FNDC3B: variants seen among roughly 807,000 people sequenced by gnomAD.
The protein encoded by FNDC3B is fibronectin type III domain-containing protein 3B.
Under a neutral mutation model 151.5 loss-of-function variants are expected in FNDC3B, and 12 were observed. The ratio of observed to expected loss-of-function variants is 0.08; its 90% CI spans 0.05 to 0.13. The LOEUF is 0.13. Ranked by LOEUF, FNDC3B falls within the 10% of genes least tolerant of loss-of-function variation. FNDC3B has a pLI of 1.00. For synonymous variants in FNDC3B, 528 were observed against 549.0 expected (o/e 0.96, Z 0.54); for missense variants, 1,214 against 1,505.3 (o/e 0.81, Z 3.20).
intron 6 of FNDC3B, among the ~76,000 whole-genome samples, chr3:172,280,060 A>G (rs1297667452): frequency 6.6e-6 from 1 of 152,124 alleles, no homozygotes; most frequent in Non-Finnish European, 1.5e-5. Flanking sequence ...GACTACAGGC[A>G]TGTGCCACCA....
chr3:172,192,340 T>G (rs1724563502), intron 3 of FNDC3B, among the ~76,000 whole-genome samples: 1 of 151,264 alleles, frequency 6.6e-6, no homozygotes, highest in South Asian at 2.1e-4. Context: ...CCCTGGCTAA[T>G]TATTATTATT....
intron 3 of FNDC3B, among the ~76,000 whole-genome samples, chr3:172,217,177 A>G (rs1337332548): frequency 6.6e-6 from 1 of 152,218 alleles, no homozygotes; most frequent in Non-Finnish European, 1.5e-5. Context: ...GGGTTCAACA[A>G]AAGTTTGTTG....
intron 3 of FNDC3B, among the ~76,000 whole-genome samples, chr3:172,209,680 C>T (rs567219275): frequency 1.6e-4 from 25 of 152,352 alleles, no homozygotes; most frequent in African/African-American, 5.3e-4. Context: ...CTGGCAGCCT[C>T]GACCATAGGC....
At chr3:172,309,999 G>A (rs1731386146) in intron 10 of FNDC3B, among the ~76,000 whole-genome samples, 1 of 151,988 alleles carries the variant, frequency 6.6e-6, no homozygotes, top group Admixed American at 6.6e-5. Context: ...GGGAAGAGTC[G>A]GCCCTGGCAT....
At chr3:172,188,165 T>C (rs1377441619) in intron 3 of FNDC3B, among the ~76,000 whole-genome samples, 1 of 150,964 alleles carries the variant, frequency 6.6e-6, no homozygotes, top group African/African-American at 2.4e-5. Context: ...CCGGCTAATT[T>C]TGTATTTTTA....
chr3:172,179,961 C>G (rs1040548247), intron 3 of FNDC3B, among the ~76,000 whole-genome samples: 16 of 151,546 alleles, frequency 1.1e-4, no homozygotes, highest in African/African-American at 3.6e-4. Context: ...GCTGAATGAC[C>G]TCTTTGGGGT....
At chr3:172,095,603 A>G (rs1156912247) in intron 1 of FNDC3B, among the ~76,000 whole-genome samples, 5 of 152,236 alleles carry the variant, frequency 3.3e-5, no homozygotes, top group Non-Finnish European at 7.3e-5. Context: ...ATTATTTGGC[A>G]CAGATGTGAT....
chr3:172,060,300 G>T (rs1407371262), intron 1 of FNDC3B, among the ~76,000 whole-genome samples: 1 of 152,138 alleles, frequency 6.6e-6, no homozygotes, highest in African/African-American at 2.4e-5. Context: ...TGTTGCTAGG[G>T]TGGGGGGTGG....
Position 172,397,241 on chromosome 3 carries a change from G to A in FNDC3B, c.3381G>A (p.Ala1127=), listed in dbSNP as rs770975738. ...TNTDYRFRVC[A]CRRCLDTSQE... The stretch of plus-strand genomic sequence containing the variant: ...CAGACTACAGGTTCCGCGTATGTGC[G>A]TGTCGTCGCTGTTTAGACACCTCTC... The change falls in exon 26 of 26, where the codon GCG becomes GCA. Residue 1127 remains alanine (A), a synonymous_variant. Transcript: ENST00000415807. 1.8e-5 allele frequency: 29 copies of A among 1,614,070 alleles called. No individual in the cohort carries two copies. Among genetic ancestry groups the A allele is most frequent in the Admixed American group, 1.7e-4 (10 of 60,004 alleles).
At chr3:172,305,741 C>A (rs1380199516) in intron 9 of FNDC3B, among the ~76,000 whole-genome samples, 1 of 152,126 alleles carries the variant, frequency 6.6e-6, no homozygotes, top group African/African-American at 2.4e-5. Flanking sequence ...CCATGAGTCA[C>A]CTGTTGGAGA....
At chr3:172,086,259 C>G (rs1051167976) in intron 1 of FNDC3B, among the ~76,000 whole-genome samples, 9 of 151,750 alleles carry the variant, frequency 5.9e-5, no homozygotes, top group African/African-American at 2.2e-4. Context: ...ACTTGGGAGG[C>G]TAAGGTAGGA....
At position 172,125,406 on chromosome 3, in the gene FNDC3B, C is replaced by T. The variant is rs148090021; in HGVS notation, c.112-8065C>T. On this transcript the variant is annotated intron_variant, in intron 2 of 25. Coordinates refer to ENST00000415807, the MANE Select transcript of FNDC3B (RefSeq NM_022763.4). ...TGAGATTGGCAGTAGGAGGGCTGCT[C>T]CCTCCCGGGTCAGCAGTTGCTGAGA... Among the ~76,000 whole-genome samples the T allele has an allele frequency of 7.7e-3, 1,168 of 152,198 alleles. 13 individuals are homozygous for T. Among genetic ancestry groups the T allele is most frequent in the African/African-American group, 0.026 (1,083 of 41,514 alleles).
In FNDC3B at chr3:172,226,857, C is replaced by T; in HGVS notation, c.188-14C>T. The T allele has an allele frequency of 6.4e-7, 1 of 1,554,784 alleles. No individual in the cohort carries two copies. Among genetic ancestry groups the T allele is most frequent in the Non-Finnish European group, 8.9e-7 (1 of 1,126,028 alleles). On this transcript the variant is annotated splice_polypyrimidine_tract_variant and intron_variant, in intron 3 of 25. Transcript: ENST00000415807. ...TGTTTCTTCAGCTATTAACATCTGA[C>T]TCGTCTGTTTTAGGACCTGCTGAAG... is the stretch of plus-strand genomic sequence containing the variant.
chr3:172,399,327 T>C lies in FNDC3B; in HGVS notation c.*1852T>C, dbSNP rs1483324728. The C allele has an allele frequency of 6.6e-6, 1 of 152,616 alleles. No homozygotes were observed. The highest frequency in any genetic ancestry group is 1.5e-5 in the Non-Finnish European group (1 of 68,036). 9.5% of individuals were successfully genotyped at this position (152,616 alleles called of 1,614,324 possible). ...TCTTGTTCCTTGGCAACATCTGTAG[T>C]ATTATTAATCTTCTGACATTTTCTT... On this transcript the variant is annotated 3_prime_UTR_variant, in exon 26 of 26. Transcript: ENST00000415807.
At chr3:172,292,454 G>T (rs1730394449) in intron 7 of FNDC3B, among the ~76,000 whole-genome samples, 1 of 152,166 alleles carries the variant, frequency 6.6e-6, no homozygotes, top group Non-Finnish European at 1.5e-5. Context: ...CTCTGTTCAG[G>T]TAAATAATAA....
intron 9 of FNDC3B, among the ~76,000 whole-genome samples, chr3:172,304,986 A>G (rs532528392): frequency 6.6e-6 from 1 of 152,084 alleles, no homozygotes; most frequent in South Asian, 2.1e-4. Context: ...AGCGCTCCAG[A>G]TATTTTTCAG....
At chr3:172,173,791 G>C (rs1723404796) in intron 3 of FNDC3B, among the ~76,000 whole-genome samples, 1 of 151,068 alleles carries the variant, frequency 6.6e-6, no homozygotes, top group African/African-American at 2.4e-5. Flanking sequence ...CTGTGTTCCT[G>C]CTTGGGCAAC....
chr3:172,077,210 C>G (rs570210793), intron 1 of FNDC3B, among the ~76,000 whole-genome samples: 44 of 152,162 alleles, frequency 2.9e-4, no homozygotes, highest in African/African-American at 1.0e-3. Context: ...GAATCTGAAG[C>G]ATTAAAAATC....
chr3:172,107,890 A>AG (rs1424271497), intron 1 of FNDC3B, among the ~76,000 whole-genome samples: 1 of 141,712 alleles, frequency 7.1e-6, no homozygotes, highest in Non-Finnish European at 1.5e-5. Context: ...GAAAAGAGAA[A>AG]GAAAAAAAAA....
Sources: allele counts gnomAD v4.1 joint callset (sites outside exome capture counted in the v4.1 genomes callset), GRCh38; gene constraint gnomAD v4.1.1; transcripts MANE v1.5; gene names NCBI Gene and HGNC (gene_info 2026-07-23, HGNC 2026-07-21).